The following RAB37 variants were observed in gnomAD, a reference collection of about 807,000 sequenced individuals.
RAB37 encodes ras-related protein Rab-37.
Under a neutral mutation model 33.1 loss-of-function variants are expected in RAB37, and 29 were observed. That is an observed-to-expected ratio of 0.88 (90% CI 0.65 to 1.20). The LOEUF (loss-of-function observed/expected upper bound fraction) is 1.20, where lower values mean the gene tolerates loss of function less well. Ranked by LOEUF, RAB37 falls within the 50% of genes most tolerant of loss-of-function variation. RAB37 has a pLI of 0.00. For synonymous variants in RAB37, 128 were observed against 119.5 expected, an observed-to-expected ratio of 1.07 and a Z score of -0.47; for missense variants, 299 against 301.1, an observed-to-expected ratio of 0.99 and a Z score of 0.05.
rs1177231839 is a variant in RAB37, at chr17:74,680,191, C to T, written c.72+8533C>T. ...AGATGAGTAAACTGAGGCATGGAGA[C>T]ATTAAGAAATTTGCCTATAGTCAAA... On this transcript the variant is annotated intron_variant, in intron 1 of 7. Coordinates refer to the RAB37 transcript ENST00000340415. 6.6e-5 allele frequency among the ~76,000 whole-genome samples: 10 copies of T among 151,992 alleles called. No homozygotes were observed. The East Asian group carries it at 1.9e-3, about 30-fold the overall frequency.
intron 1 of RAB37, among the ~76,000 whole-genome samples, chr17:74,672,268 G>A (rs1321568513): frequency 1.5e-5 from 2 of 135,440 alleles, no homozygotes; most frequent in Non-Finnish European, 3.2e-5. Context: ...GATAGTTGTT[G>A]GGAAAAATAG....
chr17:74,744,258 A>AG lies in RAB37; in HGVS notation c.367-46dup, dbSNP rs2034693116. 1 of 1,556,150 alleles carries AG rather than the reference A, an allele frequency of 6.4e-7. No individual in the cohort carries two copies. The highest frequency in any genetic ancestry group is 1.4e-5 in the African/African-American group (1 of 73,784). On this transcript the variant is annotated intron_variant, in intron 5 of 8. Coordinates refer to ENST00000392613, the MANE Select transcript of RAB37 (RefSeq NM_001006638.3). The surrounding 1 kb of genome is among the most constrained non-coding windows in gnomAD (Gnocchi z 4.2). ...ATAGTCAAACGGAGCAGAAGAAGAA[A>AG]GGGGCAGCAGGAGGAAGAGAATGCC...
rs1047328355 is a variant in RAB37 at position 74,705,265 on chromosome 17, G to C, written c.73-23991G>C. 8 of 701,240 alleles carry C rather than the reference G, an allele frequency of 1.1e-5. No individual in the cohort carries two copies. In the African/African-American group the frequency reaches 1.4e-4, roughly 12 times the overall value. The allele number at this position is 701,240 out of a possible 1,614,324, so 43.4% of individuals were successfully genotyped here. On this transcript the variant is annotated intron_variant, in intron 1 of 7. Transcript: ENST00000340415. ...GCTGAGGCAGCCACATCAGATGGCT[G>C]TGGAGAGGCTGTCCTGGTGGTCCTA...
At chr17:74,712,595 C>T (rs975012321) in intron 1 of RAB37, among the ~76,000 whole-genome samples, 23 of 152,240 alleles carry the variant, frequency 1.5e-4, no homozygotes, top group Admixed American at 1.1e-3. Flanking sequence ...TTCACATGAT[C>T]AGCCCCTGGG....
chr17:74,678,028 A>G (rs2031877475), intron 1 of RAB37, among the ~76,000 whole-genome samples: 1 of 152,140 alleles, frequency 6.6e-6, no homozygotes, highest in African/African-American at 2.4e-5. Flanking sequence ...GTGGAAGTAA[A>G]CAGCCAGAGG....
intron 1 of RAB37, chr17:74,703,083 T>C (rs1490320506): frequency 1.2e-6 from 2 of 1,613,900 alleles, no homozygotes; most frequent in Non-Finnish European, 1.7e-6. Context: ...GCTAGTTTCT[T>C]CTTGGGTGAC....
chr17:74,720,145 G>A (rs1026791003), intron 1 of RAB37, among the ~76,000 whole-genome samples: 2 of 152,168 alleles, frequency 1.3e-5, no homozygotes, highest in Admixed American at 1.3e-4. Flanking sequence ...GGCCATTTAG[G>A]CACCAGCAGG....
rs767801558 is a variant in RAB37, at chr17:74,743,327, T to C, written c.353T>C (p.Phe118Ser). The C allele has an allele frequency of 1.2e-6, 2 of 1,614,074 alleles. No homozygotes were observed. Among genetic ancestry groups the C allele is most frequent in the Non-Finnish European group, 8.5e-7 (1 of 1,179,996 alleles). The change falls in exon 5 of 9, where the codon TTC becomes TCC. Residue 118 changes from phenylalanine to serine, a missense_variant. Coordinates refer to ENST00000392613, the MANE Select transcript of RAB37 (RefSeq NM_001006638.3). ...TATGACATCACCAACAAATCTTCTT[T>C]CGACAACATCAGGGTAGGTCCTCCC... ...LLYDITNKSS[F>S]DNIRAWLTEI...
rs998332318 is a variant in RAB37 at position 74,704,621 on chromosome 17, A to G, written c.73-24635A>G. 3 of 1,614,050 alleles carry G rather than the reference A, an allele frequency of 1.9e-6. No homozygotes were observed. The African/African-American group carries it at 4.0e-5, about 22-fold the overall frequency. On this transcript the variant is annotated intron_variant, in intron 1 of 7. Transcript: ENST00000340415. ...GTTTTTCTGATTGTCCTTGATGGACACCCGGTCCCTCTTCACCTCCTGCTC... is the reference window on the plus strand; with the variant it reads ...GTTTTTCTGATTGTCCTTGATGGACGCCCGGTCCCTCTTCACCTCCTGCTC...
intron 1 of RAB37, among the ~76,000 whole-genome samples, chr17:74,723,302 G>A (rs967688467): frequency 1.6e-4 from 25 of 152,072 alleles, no homozygotes; most frequent in Admixed American, 1.6e-3. Context: ...ATGCTCAAAC[G>A]CAGTAACAAC....
chr17:74,734,057 C>A (rs2034431225), upstream of RAB37, among the ~76,000 whole-genome samples: 1 of 152,170 alleles, frequency 6.6e-6, no homozygotes, highest in Non-Finnish European at 1.5e-5. Flanking sequence ...GTATTCCAAA[C>A]CCACCATAGG....
chr17:74,709,296 A>T (rs2033777562), intron 1 of RAB37, among the ~76,000 whole-genome samples: 1 of 152,130 alleles, frequency 6.6e-6, no homozygotes, highest in Non-Finnish European at 1.5e-5. Flanking sequence ...AAATCTTGTG[A>T]TCATCTTAGG....
rs1436310997 is a variant in RAB37 at position 74,742,535 on chromosome 17, C to T, written c.246+240C>T. The stretch of plus-strand genomic sequence containing the variant: ...CAAGCTTAGCCTCCATCCATCTCCT[C>T]CCCAGTTGCCAGGGCTTTATCTGCT... On this transcript the variant is annotated intron_variant, in intron 3 of 8. Coordinates refer to ENST00000392613, the MANE Select transcript of RAB37 (RefSeq NM_001006638.3). This position sits in a 1 kb window ranked among gnomAD's most constrained non-coding sequence, Gnocchi z 4.0. Among the ~76,000 whole-genome samples the T allele has an allele frequency of 1.3e-5, 2 of 152,232 alleles. No individual in the cohort carries two copies. The highest frequency in any genetic ancestry group is 2.9e-5 in the Non-Finnish European group (2 of 68,038).
intron 1 of RAB37, chr17:74,677,560 C>A (rs1046686546): frequency 7.2e-5 from 11 of 152,206 alleles, no homozygotes; most frequent in African/African-American, 2.7e-4. Flanking sequence ...AGCTCAGGAA[C>A]AAACAAGAAA....
intron 1 of RAB37, among the ~76,000 whole-genome samples, chr17:74,681,792 C>G (rs1006267081): frequency 2.6e-5 from 4 of 152,214 alleles, no homozygotes; most frequent in Non-Finnish European, 5.9e-5. Flanking sequence ...ACCACTGGTT[C>G]CATCCACCAC....
chr17:74,705,457 T>C (rs2033429797), intron 1 of RAB37: 2 of 506,974 alleles, frequency 3.9e-6, no homozygotes, highest in Non-Finnish European at 7.1e-6. Context: ...AATTTGTGGA[T>C]TTCCCATTCT....
rs963120143 is a variant in RAB37 at position 74,676,455 on chromosome 17, C to T, written c.72+4797C>T. On this transcript the variant is annotated intron_variant, in intron 1 of 7. Transcript: ENST00000340415. The surrounding 1 kb of genome is among the most constrained non-coding windows in gnomAD (Gnocchi z 4.1). ...AAAGTATGTCCATTTCCTCCGACTG[C>T]TCTAACACCTCTTCTGGGTGAAAGG... 1.3e-5 allele frequency among the ~76,000 whole-genome samples: 2 copies of T among 152,190 alleles called. No homozygotes were observed. The highest frequency in any genetic ancestry group is 1.3e-4 in the Admixed American group (2 of 15,280).
intron 1 of RAB37, among the ~76,000 whole-genome samples, chr17:74,710,451 C>G (rs984595508): frequency 6.6e-6 from 1 of 152,106 alleles, no homozygotes; most frequent in Middle Eastern, 3.2e-3. Context: ...TTCCTATAAA[C>G]TGCTAATAAA....
At chr17:74,677,765 T>C (rs1372725249) in intron 1 of RAB37, among the ~76,000 whole-genome samples, 1 of 152,110 alleles carries the variant, frequency 6.6e-6, no homozygotes, top group Non-Finnish European at 1.5e-5. Flanking sequence ...TGGGGAGTGG[T>C]GGTGCCTGCT....
Sources: allele counts gnomAD v4.1 joint callset (sites outside exome capture counted in the v4.1 genomes callset), GRCh38; gene constraint gnomAD v4.1.1; non-coding constraint Gnocchi (gnomAD v3.1); transcripts MANE v1.5; gene names NCBI Gene and HGNC (gene_info 2026-07-23, HGNC 2026-07-21).